The following PEX19 variants were observed in gnomAD, a reference collection of about 807,000 sequenced individuals.
The protein encoded by PEX19 is 33 kDa housekeeping protein.
In PEX19, 29 loss-of-function variants were observed where a neutral mutation model predicts 36.3. The observed-to-expected ratio is 0.80, with a 90% CI of 0.60 to 1.09. The LOEUF (loss-of-function observed/expected upper bound fraction) is 1.09. Ranked by LOEUF, PEX19 falls within the 50% of genes least tolerant of loss-of-function variation. The pLI is 0.00. For synonymous variants in PEX19, 141 were observed against 135.2 expected, an observed-to-expected ratio of 1.04 and a Z score of -0.30; for missense variants, 396 against 368.1, an observed-to-expected ratio of 1.08 and a Z score of -0.62.
At chr1:160,281,336 T>G (rs1657762587) in intron 5 of PEX19, 1 of 153,016 alleles carries the variant, frequency 6.5e-6, no homozygotes, top group African/African-American at 2.4e-5. Context: ...ATATAAGCTC[T>G]TTTATGGCAG....
At position 160,277,700 on chromosome 1, in the gene PEX19, A is replaced by G. The variant is rs950754105; in HGVS notation, c.*1851T>C. ...GAATCTGTAAAAGAAAACTGGTAGG[A>G]CAGAAGGCACAAGGTTCATAGAGAA... On this transcript the variant is annotated 3_prime_UTR_variant, in exon 8 of 8. Transcript: ENST00000368072. 8.8e-6 allele frequency: 4 copies of G among 456,470 alleles called. No homozygotes were observed. Among genetic ancestry groups the G allele is most frequent in the African/African-American group, 6.0e-5 (3 of 50,132 alleles). The allele number at this position is 456,470 out of a possible 1,614,324, so 28.3% of individuals were successfully genotyped here.
In PEX19 at chr1:160,279,839, CT is replaced by C; in HGVS notation, c.777del (p.Asp260IlefsTer2). 1 of 1,612,978 alleles carries C rather than the reference CT, an allele frequency of 6.2e-7. No homozygotes were observed. Among genetic ancestry groups the C allele is most frequent in the Non-Finnish European group, 8.5e-7 (1 of 1,178,934 alleles). On this transcript the variant is annotated frameshift_variant, in exon 7 of 8. Transcript: ENST00000368072. LOFTEE classifies it high-confidence loss of function. ...AGCTCTTTTGGAGGATGGCCTAAATCTTGTAGCTAGAAAATAAGGAAAATGG... is the reference window on the plus strand; with the variant it reads ...AGCTCTTTTGGAGGATGGCCTAAATCTGTAGCTAGAAAATAAGGAAAATGG... ...EMVLDLMQQLQDLGHPPKELA... is the reference protein window; with the variant it reads ...EMVLDLMQQLXDLGHPPKELA...
chr1:160,282,409 C>T lies in PEX19; in HGVS notation c.432+8G>A. On this transcript the variant is annotated splice_region_variant and intron_variant, in intron 4 of 7. Transcript: ENST00000368072. ...ACCCCTTGTGGGCCCCTACTACTTT[C>T]TCCTCACCTGAAGGTCAGTGGCATT... 6.2e-7 allele frequency: 1 copy of T among 1,610,258 alleles called. No individual in the cohort carries two copies. The highest frequency in any genetic ancestry group is 8.5e-7 in the Non-Finnish European group (1 of 1,176,452).
chr1:160,285,006 G>A (rs1423314666), intron 1 of PEX19, 49 bp downstream of exon 1: 1 of 1,315,346 alleles, frequency 7.6e-7, no homozygotes, highest in African/African-American at 1.4e-5. Context: ...CCCCCAGAAT[G>A]GGTCCTCACA....
In PEX19 at chr1:160,278,960, A is replaced by G. The variant is rs1386633191; in HGVS notation, c.*591T>C. On this transcript the variant is annotated 3_prime_UTR_variant, in exon 8 of 8. Coordinates refer to ENST00000368072, the MANE Select transcript of PEX19 (RefSeq NM_002857.4). ...GGGCTCAGCACCTAGAGAGAGGAGAATCCTAAGGCCTCTCTTTCAACTCTA... is the reference window on the plus strand; with the variant it reads ...GGGCTCAGCACCTAGAGAGAGGAGAGTCCTAAGGCCTCTCTTTCAACTCTA... The G allele has an allele frequency of 2.2e-6, 1 of 454,090 alleles. No homozygotes were observed. Among genetic ancestry groups the G allele is most frequent in the Admixed American group, 2.3e-5 (1 of 42,568 alleles). 28.1% of individuals were successfully genotyped at this position (454,090 alleles called of 1,614,324 possible).
In PEX19 at chr1:160,278,285, T is replaced by C; in HGVS notation, c.*1266A>G. On this transcript the variant is annotated 3_prime_UTR_variant, in exon 8 of 8. Coordinates refer to ENST00000368072, the MANE Select transcript of PEX19 (RefSeq NM_002857.4). ...TAAAATATAATACCACTTGAAGGGC[T>C]TTCTACATTGAAATACTCAAGGGAA... The C allele has an allele frequency of 1.4e-6, 1 of 697,498 alleles. No individual in the cohort carries two copies. The highest frequency in any genetic ancestry group is 2.6e-6 in the Non-Finnish European group (1 of 383,188). 43.2% of individuals were successfully genotyped at this position (697,498 alleles called of 1,614,324 possible). A position where few individuals can be genotyped will look rare whatever the true frequency, so the allele number is the denominator to read the frequency against.
rs1311448494 is a variant in PEX19 at position 160,278,083 on chromosome 1, T to C, written c.*1468A>G. 3 of 702,382 alleles carry C rather than the reference T, an allele frequency of 4.3e-6. No individual in the cohort carries two copies. In the African/African-American group the frequency reaches 5.2e-5, roughly 12 times the overall value. The allele number at this position is 702,382 out of a possible 1,614,324, so 43.5% of individuals were successfully genotyped here. On this transcript the variant is annotated 3_prime_UTR_variant, in exon 8 of 8. Transcript: ENST00000368072. ...TGTGAATTTGCTTTGGAGAGACTTA[T>C]CTTCTGAGTGAACCAGGACAGCCAG...
chr1:160,280,672 C>T (rs750103441), intron 5 of PEX19, among the ~76,000 whole-genome samples: 1 of 152,042 alleles, frequency 6.6e-6, no homozygotes, highest in Non-Finnish European at 1.5e-5. Flanking sequence ...GTGTGCACCA[C>T]TGTGACTGGC....
rs144440223 is a variant in PEX19, at chr1:160,285,095, G to C, written c.30C>G (p.Val10=). MAAAEEGCS[V]GAEADRELEE... ...CCAATTCCCTGTCCGCTTCGGCCCC[G>C]ACACTACAGCCTTCCTCAGCGGCGG... The change falls in exon 1 of 8, where the codon GTC becomes GTG. Residue 10 remains valine, a synonymous_variant. Transcript: ENST00000368072. 75 of 1,613,996 alleles carry C rather than the reference G, an allele frequency of 4.6e-5. 1 individual carries two copies. The Middle Eastern group carries it at 1.2e-3, about 25-fold the overall frequency.
At chr1:160,284,626 G>A (rs1657927993) in intron 1 of PEX19, among the ~76,000 whole-genome samples, 1 of 152,210 alleles carries the variant, frequency 6.6e-6, no homozygotes, top group South Asian at 2.1e-4. Context: ...TTCGTGTTAA[G>A]GAAGACAGGA....
intron 5 of PEX19, 62 bp downstream of exon 5, chr1:160,281,977 A>G (rs895631945): frequency 7.2e-7 from 1 of 1,387,432 alleles, no homozygotes; most frequent in Non-Finnish European, 1.0e-6. Flanking sequence ...TAGACAAAAT[A>G]GCCCACATCA....
intron 5 of PEX19, among the ~76,000 whole-genome samples, chr1:160,280,525 C>CT (rs965855947): frequency 2.7e-5 from 4 of 148,648 alleles, no homozygotes; most frequent in East Asian, 2.0e-4. Flanking sequence ...TTTTTTTTTT[C>CT]TTTTTTTTCG....
chr1:160,280,342 A>C, intron 5 of PEX19, 96 bp from the exon 6 acceptor site: 4 of 1,167,424 alleles, frequency 3.4e-6, no homozygotes, highest in Non-Finnish European at 5.1e-6. Context: ...AGGGAAAGGG[A>C]CGTAGAAAAA....
intron 1 of PEX19, chr1:160,284,028 T>C: frequency 8.5e-6 from 4 of 469,400 alleles, no homozygotes; most frequent in Non-Finnish European, 1.8e-5. Flanking sequence ...CCCTCTGAAC[T>C]CACTCTGGAG....
Position 160,282,926 on chromosome 1 carries a change from T to C in PEX19, c.346+18A>G. Reference sequence around the variant, plus strand: ...AAGAGTCTGTTCAGATATTTCCATGTATCTGGGGTCTCCTCACCCACTCTC... The same window carrying C: ...AAGAGTCTGTTCAGATATTTCCATGCATCTGGGGTCTCCTCACCCACTCTC... On this transcript the variant is annotated intron_variant, in intron 3 of 7. Transcript: ENST00000368072. 1 of 1,612,794 alleles carries C rather than the reference T, an allele frequency of 6.2e-7. No individual in the cohort carries two copies. Among genetic ancestry groups the C allele is most frequent in the South Asian group, 1.1e-5 (1 of 91,050 alleles).
At position 160,277,912 on chromosome 1, in the gene PEX19, G is replaced by A. The variant is rs1423122959; in HGVS notation, c.*1639C>T. The A allele has an allele frequency of 8.8e-6, 6 of 683,014 alleles. 1 individual carries two copies. The Admixed American group carries it at 1.2e-4, about 14-fold the overall frequency. 42.3% of individuals were successfully genotyped at this position (683,014 alleles called of 1,614,324 possible). On this transcript the variant is annotated 3_prime_UTR_variant, in exon 8 of 8. Coordinates refer to ENST00000368072, the MANE Select transcript of PEX19 (RefSeq NM_002857.4). Reference sequence around the variant, plus strand: ...CTCTTCCATGCTCTGGTAAGGTATAGGAGTTGGAATTTCCCAAATAGCCTG... The same window carrying A: ...CTCTTCCATGCTCTGGTAAGGTATAAGAGTTGGAATTTCCCAAATAGCCTG...
At chr1:160,283,668 G>A (rs1043789855) in intron 1 of PEX19, 29 bp from the exon 2 acceptor site, 5 of 1,525,222 alleles carry the variant, frequency 3.3e-6, no homozygotes, top group African/African-American at 2.7e-5. Context: ...TGGTGTGTGT[G>A]TTGGCGACAG....
At chr1:160,284,915 G>A (rs766760575) in intron 1 of PEX19, 140 bp downstream of exon 1, 2 of 743,860 alleles carry the variant, frequency 2.7e-6, no homozygotes, top group East Asian at 5.3e-5. Flanking sequence ...TTTTTGGGGG[G>A]CTCGGGGGTC....
chr1:160,279,125 A>G lies in PEX19; in HGVS notation c.*426T>C. 1 of 452,640 alleles carries G rather than the reference A, an allele frequency of 2.2e-6. No individual in the cohort carries two copies. 28.0% of individuals were successfully genotyped at this position (452,640 alleles called of 1,614,324 possible). A position where few individuals can be genotyped will look rare whatever the true frequency, so the allele number is the denominator to read the frequency against. On this transcript the variant is annotated 3_prime_UTR_variant, in exon 8 of 8. Coordinates refer to ENST00000368072, the MANE Select transcript of PEX19 (RefSeq NM_002857.4). ...TCAAAGGCTCTGCCAGGAGAACTAT[A>G]GAAATACAGAGTCCCAGGTCTCTGC...
Sources: allele counts gnomAD v4.1 joint callset (sites outside exome capture counted in the v4.1 genomes callset), GRCh38; gene constraint gnomAD v4.1.1; transcripts MANE v1.5; gene names NCBI Gene and HGNC (gene_info 2026-07-23, HGNC 2026-07-21).